The following PAK3 variants were observed in gnomAD, a reference collection of about 807,000 sequenced individuals.
PAK3 encodes the protein serine/threonine-protein kinase PAK 3.
In PAK3, 4 loss-of-function variants were observed where a neutral mutation model predicts 41.0. That is an observed-to-expected ratio of 0.10 (90% CI 0.05 to 0.22). PAK3 has a LOEUF of 0.22. Among genes scored for constraint, PAK3 ranks in the 10% least tolerant of loss-of-function variants. The pLI, the probability that PAK3 is intolerant of heterozygous loss-of-function variation, is 1.00. For synonymous variants in PAK3, 146 were observed against 139.6 expected, an observed-to-expected ratio of 1.05 and a Z score of -0.32; for missense variants, 205 against 409.9, an observed-to-expected ratio of 0.50 and a Z score of 4.32.
chrX:110,947,845 T>A (rs2090652515), intron 1 of PAK3, among the ~76,000 whole-genome samples: 1 of 111,492 alleles, frequency 9.0e-6, no homozygotes, highest in African/African-American at 3.3e-5. Flanking sequence ...GCTTTACCCC[T>A]CCAGGCTTTC....
intron 1 of PAK3, among the ~76,000 whole-genome samples, chrX:110,975,406 T>A (rs2091307682): frequency 1.8e-5 from 2 of 111,884 alleles, no homozygotes; most frequent in South Asian, 7.6e-4. Flanking sequence ...TAACAAGGGA[T>A]GTGAAGGACC....
At chrX:111,009,265 A>ACT (rs1240530763) in intron 1 of PAK3, among the ~76,000 whole-genome samples, 3 of 109,574 alleles carry the variant, frequency 2.7e-5, no homozygotes, top group Non-Finnish European at 5.7e-5. Context: ...TTTCAATTGT[A>ACT]CTCTCTCTCT....
chrX:111,182,831 C>T (rs888098631), intron 11 of PAK3, among the ~76,000 whole-genome samples: 1 of 111,465 alleles, frequency 9.0e-6, no homozygotes, highest in African/African-American at 3.3e-5. Flanking sequence ...AACAGCAGTT[C>T]ATTTTCAGCC....
chrX:110,998,234 C>G (rs1375461714), intron 1 of PAK3, among the ~76,000 whole-genome samples: 1 of 111,628 alleles, frequency 9.0e-6, no homozygotes, highest in Non-Finnish European at 1.9e-5. Flanking sequence ...ATCCCTAAAC[C>G]ACTCCAATGT....
chrX:110,994,655 A>C (rs769400027), intron 1 of PAK3, among the ~76,000 whole-genome samples: 1 of 111,805 alleles, frequency 8.9e-6, no homozygotes, highest in Admixed American at 9.5e-5. Context: ...TCCCAGAACA[A>C]GGTAGGAGCC....
At chrX:110,986,840 G>A (rs2091553921) in intron 1 of PAK3, among the ~76,000 whole-genome samples, 4 of 110,754 alleles carry the variant, frequency 3.6e-5, no homozygotes, top group South Asian at 3.9e-4. Flanking sequence ...GCTGTTAAGG[G>A]GAGAGATGGA....
At chrX:111,104,321 T>TAA (rs201744637) in intron 4 of PAK3, among the ~76,000 whole-genome samples, 14 of 98,949 alleles carry the variant, frequency 1.4e-4, no homozygotes, top group African/African-American at 4.4e-4. Flanking sequence ...CCAACAAAAT[T>TAA]AAAAAAAAAA....
intron 1 of PAK3, among the ~76,000 whole-genome samples, chrX:111,002,061 G>T (rs1233197377): frequency 9.0e-6 from 1 of 111,571 alleles, no homozygotes; most frequent in Non-Finnish European, 1.9e-5. Flanking sequence ...AAATTAAAAG[G>T]TCTATAGCTA....
intron 4 of PAK3, among the ~76,000 whole-genome samples, chrX:111,107,572 A>T (rs1342460336): frequency 8.9e-6 from 1 of 111,962 alleles, no homozygotes; most frequent in African/African-American, 3.3e-5. Flanking sequence ...ACACAAGAGC[A>T]TCTTGCAAGG....
At chrX:111,090,046 T>A (rs1488307462) in intron 1 of PAK3, among the ~76,000 whole-genome samples, 1 of 110,356 alleles carries the variant, frequency 9.1e-6, no homozygotes, top group Non-Finnish European at 1.9e-5. Context: ...CTCAAGAACA[T>A]CTGGAGCCCC....
intron 11 of PAK3, among the ~76,000 whole-genome samples, chrX:111,178,972 T>G (rs776053053): frequency 0.02 from 1,696 of 86,221 alleles, 49 homozygotes; most frequent in African/African-American, 0.12. Flanking sequence ...TATATATATA[T>G]ATATATATAG....
intron 1 of PAK3, among the ~76,000 whole-genome samples, chrX:111,049,125 G>C (rs1296761028): frequency 9.0e-6 from 1 of 111,174 alleles, no homozygotes; most frequent in Non-Finnish European, 1.9e-5. Context: ...TCTCTTCTTG[G>C]AATGTTCTTC....
intron 1 of PAK3, among the ~76,000 whole-genome samples, chrX:111,041,800 T>C (rs1327770770): frequency 9.0e-6 from 1 of 111,480 alleles, no homozygotes; most frequent in Non-Finnish European, 1.9e-5. Context: ...ATAAACTTTA[T>C]TGGACCACCC....
intron 1 of PAK3, among the ~76,000 whole-genome samples, chrX:110,945,926 T>C (rs373034873): frequency 1.8e-5 from 2 of 112,126 alleles, no homozygotes; most frequent in East Asian, 5.6e-4. Context: ...ACAGCAGACA[T>C]TTTTTGCATA....
chrX:111,051,480 T>C (rs1236267245), intron 1 of PAK3, among the ~76,000 whole-genome samples: 1 of 111,908 alleles, frequency 8.9e-6, no homozygotes, highest in African/African-American at 3.3e-5. Flanking sequence ...GCCCATTTGC[T>C]TTATTTTCGC....
intron 1 of PAK3, among the ~76,000 whole-genome samples, chrX:111,068,479 T>A (rs1359855319): frequency 1.8e-5 from 2 of 111,760 alleles, no homozygotes; most frequent in Non-Finnish European, 3.8e-5. Context: ...TTGTATATTT[T>A]TTGATAGAGA....
At chrX:110,975,788 G>C (rs1349296803) in intron 1 of PAK3, among the ~76,000 whole-genome samples, 1 of 110,830 alleles carries the variant, frequency 9.0e-6, no homozygotes, top group Non-Finnish European at 1.9e-5. Flanking sequence ...TAGAATAGAG[G>C]CCTCAGAAAT....
At chrX:111,120,197 T>TATGTCAC (rs1389024473) in intron 4 of PAK3, among the ~76,000 whole-genome samples, 3 of 112,277 alleles carry the variant, frequency 2.7e-5, no homozygotes, top group Non-Finnish European at 5.6e-5. Context: ...AATAGGAATG[T>TATGTCAC]ATGTCACATA....
intron 1 of PAK3, among the ~76,000 whole-genome samples, chrX:110,980,799 A>G (rs1483546649): frequency 8.9e-6 from 1 of 112,353 alleles, no homozygotes; most frequent in African/African-American, 3.2e-5. Context: ...CTCTGTCTAG[A>G]TTCTTCTAGG....
Sources: allele counts gnomAD v4.1 joint callset (sites outside exome capture counted in the v4.1 genomes callset), GRCh38; gene constraint gnomAD v4.1.1; transcripts MANE v1.5; gene names NCBI Gene and HGNC (gene_info 2026-07-23, HGNC 2026-07-21).